Variants in PTPRT observed in about 807,000 individuals in gnomAD.
PTPRT encodes receptor-type tyrosine-protein phosphatase T.
Under a neutral mutation model 176.8 loss-of-function variants are expected in PTPRT, and 56 were observed. The ratio of observed to expected loss-of-function variants is 0.32; its 90% CI spans 0.26 to 0.40. The LOEUF (loss-of-function observed/expected upper bound fraction) is 0.40. PTPRT is among the 10% of genes least tolerant of loss of function. The pLI is 1.00. For synonymous variants in PTPRT, 783 were observed against 739.0 expected, an observed-to-expected ratio of 1.06 and a Z score of -0.96; for missense variants, 1,540 against 1,908.2, an observed-to-expected ratio of 0.81 and a Z score of 3.60.
chr20:42,461,998 T>C (rs1182382185), intron 8 of PTPRT, among the ~76,000 whole-genome samples: 61 of 143,628 alleles, frequency 4.2e-4, no homozygotes, highest in Admixed American at 4.0e-3. Flanking sequence ...GCAATGACAT[T>C]GAGTTAAAAA....
rs1309434378 is a variant in PTPRT, at chr20:42,448,285, C to G, written c.1495G>C (p.Glu499Gln). ...PLESIQGGPF[E>Q]EKIYIQWKPP... ...TTCCACTGGATGTAGATCTTCTCCT[C>G]AAAGGGCCCCCCTTGGATGGATTCT... The change falls in exon 9 of 31, where the codon GAG (glutamate) becomes CAG (glutamine). Residue 499 changes from glutamate (E) to glutamine (Q), a missense_variant. By Grantham distance (29) the Glu-to-Gln change is conservative. Coordinates refer to ENST00000373187, the MANE Select transcript of PTPRT (RefSeq NM_007050.6). 3 of 1,613,444 alleles carry G rather than the reference C, an allele frequency of 1.9e-6. No homozygotes were observed. Among genetic ancestry groups the G allele is most frequent in the African/African-American group, 1.3e-5 (1 of 74,852 alleles).
chr20:43,125,074 C>T (rs1460097265), intron 1 of PTPRT, among the ~76,000 whole-genome samples: 1 of 151,714 alleles, frequency 6.6e-6, no homozygotes, highest in Non-Finnish European at 1.5e-5. Flanking sequence ...CAGCTCACTG[C>T]AACCTCCACC....
At chr20:42,680,644 G>A (rs2075587228) in intron 6 of PTPRT, among the ~76,000 whole-genome samples, 1 of 152,160 alleles carries the variant, frequency 6.6e-6, no homozygotes, top group South Asian at 2.1e-4. Context: ...AAGAGTTGCA[G>A]ACTTCAATAG....
intron 7 of PTPRT, among the ~76,000 whole-genome samples, chr20:42,483,405 C>CA (rs2071418295): frequency 6.6e-6 from 1 of 152,184 alleles, no homozygotes; most frequent in Non-Finnish European, 1.5e-5. Context: ...CTCAAGTGAT[C>CA]CACCCGCCTT....
At chr20:42,173,917 C>A (rs902541240) in intron 16 of PTPRT, among the ~76,000 whole-genome samples, 3 of 152,104 alleles carry the variant, frequency 2.0e-5, no homozygotes. Context: ...TTAAAAAATG[C>A]TGAACTTTGA....
chr20:42,206,743 C>T (rs2055477540), intron 15 of PTPRT, among the ~76,000 whole-genome samples: 2 of 152,238 alleles, frequency 1.3e-5, no homozygotes, highest in Admixed American at 1.3e-4. Flanking sequence ...CTTAGATAAA[C>T]AAAGCAGCCC....
intron 9 of PTPRT, among the ~76,000 whole-genome samples, chr20:42,420,040 C>T (rs1247208819): frequency 6.6e-6 from 1 of 152,138 alleles, no homozygotes; most frequent in Non-Finnish European, 1.5e-5. Flanking sequence ...CCTGCTGACA[C>T]CTCGATTTTG....
At chr20:42,149,204 C>T (rs1016838188) in intron 17 of PTPRT, among the ~76,000 whole-genome samples, 2 of 152,116 alleles carry the variant, frequency 1.3e-5, no homozygotes, top group Admixed American at 1.3e-4. Flanking sequence ...AGGAATGTTC[C>T]ATTCAGAGGG....
At chr20:43,154,712 G>A (rs905334579) in intron 1 of PTPRT, among the ~76,000 whole-genome samples, 43 of 152,138 alleles carry the variant, frequency 2.8e-4, no homozygotes, top group Admixed American at 2.2e-3. Flanking sequence ...GAATTGCATC[G>A]AACTAAAAAG....
chr20:43,017,630 G>A (rs1366521472), intron 1 of PTPRT, among the ~76,000 whole-genome samples: 2 of 152,284 alleles, frequency 1.3e-5, no homozygotes, highest in Non-Finnish European at 1.5e-5. Flanking sequence ...ACTGCCAAGA[G>A]CACAAGGAAG....
chr20:42,836,058 G>A (rs1360237811), intron 2 of PTPRT, among the ~76,000 whole-genome samples: 1 of 152,062 alleles, frequency 6.6e-6, no homozygotes, highest in Non-Finnish European at 1.5e-5. Context: ...CCATTGGTAA[G>A]ATGAGGGCTT....
intron 14 of PTPRT, among the ~76,000 whole-genome samples, chr20:42,244,352 A>G (rs778380823): frequency 1.1e-4 from 16 of 152,110 alleles, no homozygotes; most frequent in Non-Finnish European, 2.2e-4. Flanking sequence ...CTCCAAATAC[A>G]CTCTTGGAAC....
In PTPRT at chr20:42,472,554, G is replaced by T. The variant is rs200107921; in HGVS notation, c.1162C>A (p.His388Asn). The T allele has an allele frequency of 6.2e-7, 1 of 1,613,668 alleles. No individual in the cohort carries two copies. The highest frequency in any genetic ancestry group is 2.2e-5 in the East Asian group (1 of 44,866). Residue 388 changes from histidine (H) to asparagine (N), a missense_variant, in exon 8 of 31, where the codon CAT becomes AAT. By Grantham distance (68) the His-to-Asn change is moderately conservative (BLOSUM62 1). Around this residue, in one of 11 missense-constraint regions of PTPRT, gnomAD observed 273 missense variants for 432.1 expected, o/e 0.63. Transcript: ENST00000373187. ...ACGATTTCCACGTTCTGTGGGCCAT[G>T]TACCGGATCTGCAAAACATGCAGGC... The part of the protein sequence containing the change: ...TTRTKCADPV[H>N]GPQNVEIVDI...
intron 7 of PTPRT, among the ~76,000 whole-genome samples, chr20:42,514,022 T>A (rs2072013231): frequency 6.6e-6 from 1 of 152,172 alleles, no homozygotes; most frequent in Non-Finnish European, 1.5e-5. Flanking sequence ...ACAATTTACT[T>A]CTCATTTTTT....
At chr20:42,437,078 A>G (rs2059268550) in intron 9 of PTPRT, among the ~76,000 whole-genome samples, 1 of 152,216 alleles carries the variant, frequency 6.6e-6, no homozygotes, top group Non-Finnish European at 1.5e-5. Flanking sequence ...TGGGATGGGG[A>G]GACGTAAGTG....
chr20:42,145,802 G>T (rs75172412), intron 17 of PTPRT, among the ~76,000 whole-genome samples: 1,929 of 152,248 alleles, frequency 0.013, 34 homozygotes, highest in African/African-American at 0.043. Flanking sequence ...CTATTAATGG[G>T]TCATAATTTT....
At chr20:42,125,401 A>C (rs983714421) in intron 19 of PTPRT, among the ~76,000 whole-genome samples, 1 of 152,242 alleles carries the variant, frequency 6.6e-6, no homozygotes, top group African/African-American at 2.4e-5. Flanking sequence ...TCTTCAACAC[A>C]GACCAGATTC....
chr20:42,614,598 C>T (rs983039539), intron 7 of PTPRT, among the ~76,000 whole-genome samples: 1 of 152,098 alleles, frequency 6.6e-6, no homozygotes, highest in Non-Finnish European at 1.5e-5. Context: ...TCCTCTATTC[C>T]CTCAACTTCA....
intron 1 of PTPRT, among the ~76,000 whole-genome samples, chr20:43,114,890 G>A (rs2012995780): frequency 6.6e-6 from 1 of 152,094 alleles, no homozygotes; most frequent in African/African-American, 2.4e-5. Context: ...GGAAGCCTAA[G>A]GGAGTATGTT....
Sources: gnomAD v4.1 joint callset for allele counts (sites outside exome capture counted in the v4.1 genomes callset) on GRCh38, gnomAD v4.1.1 for gene constraint, gnomAD v4.1.1 regional missense constraint, MANE v1.5 for transcripts, NCBI Gene and HGNC (gene_info 2026-07-23, HGNC 2026-07-21) for gene names.